The following ALMS1 variants were observed in gnomAD, a reference collection of about 807,000 sequenced individuals.
ALMS1 encodes ALMS1 centrosome and basal body associated protein.
In ALMS1, 271 loss-of-function variants were observed where a neutral mutation model predicts 352.2. The ratio of observed to expected loss-of-function variants is 0.77; its 90% CI spans 0.70 to 0.85. The LOEUF (loss-of-function observed/expected upper bound fraction) is 0.85. Among genes scored for constraint, ALMS1 ranks in the 40% least tolerant of loss-of-function variants. ALMS1 has a pLI of 0.00. For missense variants in ALMS1, 5,445 were observed against 4,870.7 expected (o/e 1.12, Z -3.51); for synonymous variants, 1,865 against 1,761.2 (o/e 1.06, Z -1.48).
intron 6 of ALMS1, among the ~76,000 whole-genome samples, chr2:73,426,831 T>C (rs1052663083): frequency 2.0e-5 from 3 of 152,200 alleles, no homozygotes; most frequent in Non-Finnish European, 4.4e-5. Context: ...TTGACATTTT[T>C]TTCTGGGCGG....
At chr2:73,442,055 CTAT>C (rs1276134306) in intron 7 of ALMS1, among the ~76,000 whole-genome samples, 1 of 152,100 alleles carries the variant, frequency 6.6e-6, no homozygotes, top group East Asian at 1.9e-4. Context: ...GTGTCCTGAA[CTAT>C]TAATAATAGC....
At chr2:73,474,709 G>T (rs1338519045) in intron 9 of ALMS1, among the ~76,000 whole-genome samples, 1 of 151,996 alleles carries the variant, frequency 6.6e-6, no homozygotes, top group African/African-American at 2.4e-5. Context: ...CTTTTGAGAA[G>T]AGATAATTTT....
In ALMS1 at chr2:73,573,288, G is replaced by C. The variant is rs201028172; in HGVS notation, c.11411G>C (p.Arg3804Thr). Residue 3804 changes from arginine to threonine, a missense_variant, in exon 16 of 23, where the codon AGA becomes ACA. Coordinates refer to ENST00000613296, the MANE Select transcript of ALMS1 (RefSeq NM_001378454.1). ...CATGAAAGAGTATGCTTGTCACCCAGACGAATTAAATTATATAGCAGCATC... is the reference window on the plus strand; with the variant it reads ...CATGAAAGAGTATGCTTGTCACCCACACGAATTAAATTATATAGCAGCATC... Reference protein sequence around the residue: ...FGHERVCLSPRRIKLYSSITN... With the variant: ...FGHERVCLSPTRIKLYSSITN... The C allele has an allele frequency of 1.7e-4, 279 of 1,614,096 alleles. 2 individuals carry two copies. The highest frequency in any genetic ancestry group is 9.9e-4 in the Middle Eastern group (6 of 6,062).
intron 3 of ALMS1, among the ~76,000 whole-genome samples, chr2:73,421,709 G>A (rs1671287707): frequency 6.6e-6 from 1 of 152,064 alleles, no homozygotes; most frequent in South Asian, 2.1e-4. Flanking sequence ...AAACAAGAGG[G>A]TGATGAATTA....
intron 11 of ALMS1, among the ~76,000 whole-genome samples, chr2:73,527,049 T>G (rs1008205664): frequency 6.6e-6 from 1 of 152,112 alleles, no homozygotes; most frequent in Non-Finnish European, 1.5e-5. Context: ...TTGTCCTCCA[T>G]TTTGTTGATG....
chr2:73,438,046 GC>G (rs1671640386), intron 7 of ALMS1, among the ~76,000 whole-genome samples: 1 of 152,158 alleles, frequency 6.6e-6, no homozygotes, highest in Non-Finnish European at 1.5e-5. Context: ...GTGTGGCCCT[GC>G]ATGTCCTGTG....
At chr2:73,409,916 T>A (rs944157956) in intron 2 of ALMS1, among the ~76,000 whole-genome samples, 3 of 152,172 alleles carry the variant, frequency 2.0e-5, no homozygotes, top group African/African-American at 7.2e-5. Context: ...TAAGTTTTGA[T>A]CTGAATCTGC....
At position 73,489,835 on chromosome 2, in the gene ALMS1, C is replaced by T; in HGVS notation, c.7876C>T (p.His2626Tyr). ...RQNPSSCRAK[H>Y]VNLSASLDQN... ...GAACCCATCATCATGCAGAGCCAAG[C>T]ATGTCAACCTTTCTGCATCCTTAGA... The change falls in exon 10 of 23, where the codon CAT becomes TAT. Residue 2626 changes from histidine to tyrosine, a missense_variant. Coordinates refer to ENST00000613296, the MANE Select transcript of ALMS1 (RefSeq NM_001378454.1). 1 of 1,614,220 alleles carries T rather than the reference C, an allele frequency of 6.2e-7. No homozygotes were observed. The highest frequency in any genetic ancestry group is 8.5e-7 in the Non-Finnish European group (1 of 1,180,038).
chr2:73,555,603 T>C (rs1193238549), intron 13 of ALMS1, among the ~76,000 whole-genome samples: 6 of 152,120 alleles, frequency 3.9e-5, no homozygotes, highest in Non-Finnish European at 7.4e-5. Context: ...ATATAATAAA[T>C]ATGCCATTAT....
chr2:73,490,513 T>G lies in ALMS1; in HGVS notation c.8554T>G (p.Ser2852Ala). The change falls in exon 10 of 23, where the codon TCC becomes GCC. Residue 2852 changes from serine (S) to alanine (A), a missense_variant. By Grantham distance (99) the Ser-to-Ala change is moderately conservative (BLOSUM62 1). Coordinates refer to ENST00000613296, the MANE Select transcript of ALMS1 (RefSeq NM_001378454.1). ...HTLISMGRPSSTLGVNRSSSR... is the reference protein window; with the variant it reads ...HTLISMGRPSATLGVNRSSSR... ...CCTTATTAGCATGGGCAGACCAAGT[T>G]CCACCCTAGGAGTAAACAGATCGAG... The G allele has an allele frequency of 6.2e-7, 1 of 1,614,120 alleles. No individual in the cohort carries two copies. Among genetic ancestry groups the G allele is most frequent in the Non-Finnish European group, 8.5e-7 (1 of 1,180,030 alleles).
chr2:73,542,084 A>G (rs1674196730), intron 12 of ALMS1, among the ~76,000 whole-genome samples: 1 of 152,230 alleles, frequency 6.6e-6, no homozygotes, highest in Non-Finnish European at 1.5e-5. Context: ...ATTTTAGACC[A>G]ATATCCCTGA....
rs550072332 is a variant in ALMS1, at chr2:73,486,184, G to A, written c.7675-3450G>A. ...TATATATATGTTAGTATATATGTTA[G>A]ATGTAAGGCTAGCAGATACAAGACC... On this transcript the variant is annotated intron_variant, in intron 9 of 22. Coordinates refer to ENST00000613296, the MANE Select transcript of ALMS1 (RefSeq NM_001378454.1). Among the ~76,000 whole-genome samples the A allele has an allele frequency of 4.6e-5, 7 of 152,064 alleles. No individual in the cohort carries two copies. The South Asian group carries it at 1.5e-3, about 32-fold the overall frequency.
intron 9 of ALMS1, among the ~76,000 whole-genome samples, chr2:73,461,382 T>C (rs1478149989): frequency 1.3e-5 from 2 of 152,216 alleles, no homozygotes; most frequent in African/African-American, 2.4e-5. Context: ...CCAACAGACC[T>C]GCAGCTGAGG....
intron 10 of ALMS1, among the ~76,000 whole-genome samples, chr2:73,495,635 C>G (rs1193122473): frequency 6.6e-6 from 1 of 152,146 alleles, no homozygotes; most frequent in Non-Finnish European, 1.5e-5. Flanking sequence ...GTTGCTGTGT[C>G]TAGCCTTTCT....
intron 11 of ALMS1, among the ~76,000 whole-genome samples, chr2:73,529,908 C>G (rs1359388267): frequency 1.3e-5 from 2 of 152,102 alleles, no homozygotes; most frequent in Non-Finnish European, 2.9e-5. Flanking sequence ...TTAAAACCAT[C>G]AAGATCTCAT....
At chr2:73,481,640 G>C (rs1672705715) in intron 9 of ALMS1, among the ~76,000 whole-genome samples, 1 of 150,332 alleles carries the variant, frequency 6.7e-6, no homozygotes, top group Non-Finnish European at 1.5e-5. Flanking sequence ...TGATGGGGAT[G>C]GCATTGAATC....
chr2:73,441,779 G>GT (rs148887496), intron 7 of ALMS1, among the ~76,000 whole-genome samples: 20,097 of 148,916 alleles, frequency 0.13, 1,510 homozygotes, highest in Admixed American at 0.18. Flanking sequence ...CTACCTTTCA[G>GT]TTTTTTTTTT....
At chr2:73,595,694 T>TAGTTA (rs1473110589) in intron 16 of ALMS1, among the ~76,000 whole-genome samples, 3 of 152,256 alleles carry the variant, frequency 2.0e-5, no homozygotes, top group Non-Finnish European at 4.4e-5. Context: ...TGTTTAACTT[T>TAGTTA]ATCAGAAATT....
intron 14 of ALMS1, among the ~76,000 whole-genome samples, chr2:73,557,919 G>C (rs10207220): frequency 0.3 from 46,116 of 152,068 alleles, 8,555 homozygotes; most frequent in African/African-American, 0.53. Flanking sequence ...ATCCAGAGTT[G>C]ACCTGGTACT....
Sources: allele counts gnomAD v4.1 joint callset (sites outside exome capture counted in the v4.1 genomes callset), GRCh38; gene constraint gnomAD v4.1.1; transcripts MANE v1.5; gene names NCBI Gene and HGNC (gene_info 2026-07-23, HGNC 2026-07-21).